SECISBP2L: variants seen among roughly 807,000 people sequenced by gnomAD.
SECISBP2L encodes selenocysteine insertion sequence-binding protein 2-like.
Under a neutral mutation model 114.7 loss-of-function variants are expected in SECISBP2L, and 43 were observed. The ratio of observed to expected loss-of-function variants is 0.38; its 90% confidence interval spans 0.29 to 0.48. The LOEUF (loss-of-function observed/expected upper bound fraction) is 0.48, where lower values mean the gene tolerates loss of function less well. Among genes scored for constraint, SECISBP2L ranks in the 20% least tolerant of loss-of-function variants. SECISBP2L has a pLI of 0.98. For missense variants in SECISBP2L, 1,136 were observed against 1,301.1 expected, an observed-to-expected ratio of 0.87 and a Z score of 1.95; for synonymous variants, 451 against 439.7, an observed-to-expected ratio of 1.03 and a Z score of -0.32.
chr15:49,046,168 G>A (rs111419929), intron 1 of SECISBP2L, 108 bp downstream of exon 1: 1 of 1,318,454 alleles, frequency 7.6e-7, no homozygotes, highest in Non-Finnish European at 1.0e-6. Context: ...GGGGGTCTGC[G>A]GCCGCAGGAC....
chr15:49,025,020 T>C (rs370396477), intron 7 of SECISBP2L, among the ~76,000 whole-genome samples: 26 of 152,292 alleles, frequency 1.7e-4, no homozygotes, highest in African/African-American at 5.5e-4. Flanking sequence ...CCAAAACCAA[T>C]AGTACTGAAA....
chr15:48,992,895 T>G lies in SECISBP2L; in HGVS notation c.2655A>C (p.Ser885=). The G allele has an allele frequency of 1.2e-6, 2 of 1,613,474 alleles. No homozygotes were observed. Among genetic ancestry groups the G allele is most frequent in the Non-Finnish European group, 1.7e-6 (2 of 1,179,398 alleles). ...CATTTTCTGATGCTTCCAGTCCATCTGAAGTTTCCACCATGTTTCTCCAAT... is the reference window on the plus strand; with the variant it reads ...CATTTTCTGATGCTTCCAGTCCATCGGAAGTTTCCACCATGTTTCTCCAAT... The part of the protein sequence containing the change: ...ETNWRNMVET[S]DGLEASENEK... Residue 885 remains serine, a synonymous_variant, in exon 18 of 18, where the codon TCA becomes TCC. Coordinates refer to ENST00000559471, the MANE Select transcript of SECISBP2L (RefSeq NM_001193489.2).
At chr15:49,045,581 T>C (rs1467566610) in intron 1 of SECISBP2L, among the ~76,000 whole-genome samples, 1 of 152,124 alleles carries the variant, frequency 6.6e-6, no homozygotes, top group Non-Finnish European at 1.5e-5. Context: ...AATCAGGAAT[T>C]TGATGCAAAT....
chr15:49,040,774 G>A (rs1399180513), intron 1 of SECISBP2L, among the ~76,000 whole-genome samples: 18 of 151,004 alleles, frequency 1.2e-4, no homozygotes, highest in Admixed American at 1.2e-3. Context: ...TCCTGACCTC[G>A]TGATCCGCCC....
Position 48,992,882 on chromosome 15 carries a change from C to T in SECISBP2L, c.2668G>A (p.Ala890Thr), listed in dbSNP as rs1339034932. The change falls in exon 18 of 18, where the codon GCA (alanine) becomes ACA (threonine). Residue 890 changes from alanine to threonine, a missense_variant. Physicochemically the swap from Ala to Thr is moderately conservative, Grantham distance 58. Around this residue, in one of 2 missense-constraint regions of SECISBP2L, gnomAD observed 684 missense variants for 848.7 expected, o/e 0.81. Transcript: ENST00000559471. The stretch of plus-strand genomic sequence containing the variant: ...GATACCTCTTTCTCATTTTCTGATG[C>T]TTCCAGTCCATCTGAAGTTTCCACC... ...NMVETSDGLE[A>T]SENEKEVSCK... 1 of 1,614,086 alleles carries T rather than the reference C, an allele frequency of 6.2e-7. No homozygotes were observed. Among genetic ancestry groups the T allele is most frequent in the South Asian group, 1.1e-5 (1 of 91,076 alleles).
At chr15:49,013,863 G>C (rs1306351828) in intron 11 of SECISBP2L, among the ~76,000 whole-genome samples, 2 of 151,896 alleles carry the variant, frequency 1.3e-5, no homozygotes, top group African/African-American at 4.8e-5. Context: ...CTATACCCTT[G>C]CATCTTTCGA....
intron 8 of SECISBP2L, among the ~76,000 whole-genome samples, chr15:49,018,199 T>C (rs1902573915): frequency 6.6e-6 from 1 of 152,110 alleles, no homozygotes; most frequent in Admixed American, 6.6e-5. Context: ...AGAAAATAAT[T>C]GAGATATACT....
At chr15:49,038,401 TA>T (rs1239327393) in intron 1 of SECISBP2L, among the ~76,000 whole-genome samples, 1 of 150,378 alleles carries the variant, frequency 6.6e-6, no homozygotes, top group East Asian at 1.9e-4. Flanking sequence ...TATCTTTTCT[TA>T]CAAGAAATCT....
rs1447646940 is a variant in SECISBP2L, at chr15:49,022,149, A to T, written c.1036-2597T>A. On this transcript the variant is annotated intron_variant, in intron 7 of 17. Coordinates refer to ENST00000559471, the MANE Select transcript of SECISBP2L (RefSeq NM_001193489.2). Reference sequence around the variant, plus strand: ...AACTGCTTAACTGAGACAGGGTCTCATTCTGTCACCCAGGCTGGAGTGCAG... The same window carrying T: ...AACTGCTTAACTGAGACAGGGTCTCTTTCTGTCACCCAGGCTGGAGTGCAG... Among the ~76,000 whole-genome samples the T allele has an allele frequency of 3.3e-5, 5 of 152,258 alleles. No homozygotes were observed. The East Asian group carries it at 9.6e-4, about 29-fold the overall frequency.
intron 13 of SECISBP2L, among the ~76,000 whole-genome samples, chr15:49,009,654 G>A (rs147245191): frequency 2.6e-5 from 4 of 152,086 alleles, no homozygotes; most frequent in Non-Finnish European, 4.4e-5. Context: ...CGAGAAAATC[G>A]CTTGAATCTG....
At chr15:49,014,290 G>A (rs550492942) in intron 11 of SECISBP2L, among the ~76,000 whole-genome samples, 50 of 152,054 alleles carry the variant, frequency 3.3e-4, no homozygotes, top group African/African-American at 1.1e-3. Context: ...TATGTTTCTT[G>A]TTCTTCTTCC....
At chr15:49,004,963 G>C (rs1902286220) in intron 14 of SECISBP2L, among the ~76,000 whole-genome samples, 1 of 152,188 alleles carries the variant, frequency 6.6e-6, no homozygotes, top group African/African-American at 2.4e-5. Flanking sequence ...ATCCAGAGCT[G>C]AGTTCAAGTC....
Position 49,000,905 on chromosome 15 carries a change from A to G in SECISBP2L, c.2220T>C (p.Ser740=), listed in dbSNP as rs752662264. The change falls in exon 15 of 18, where the codon TCT becomes TCC. Residue 740 remains serine (S), a synonymous_variant. Coordinates refer to ENST00000559471, the MANE Select transcript of SECISBP2L (RefSeq NM_001193489.2). ...TTGACTGGATTTTTTCACAGTTTGG[A>G]GAAATTATAACACACTTGATCTTGT... ...KLNKIKCVII[S]PNCEKIQSKG... 1.2e-6 allele frequency: 2 copies of G among 1,613,082 alleles called. No individual in the cohort carries two copies. Among genetic ancestry groups the G allele is most frequent in the Admixed American group, 3.3e-5 (2 of 59,864 alleles).
chr15:49,017,162 T>C lies in SECISBP2L; in HGVS notation c.1252-147A>G. ...TGTCATAAAGAACAGGATTTGACAG[T>C]GGGACCATTTCAGACTGGGAAATAA... On this transcript the variant is annotated intron_variant, in intron 9 of 17. Transcript: ENST00000559471. 4.0e-6 allele frequency: 3 copies of C among 753,488 alleles called. No homozygotes were observed. In the South Asian group the frequency reaches 6.4e-5, roughly 16 times the overall value. 46.7% of individuals were successfully genotyped at this position (753,488 alleles called of 1,614,324 possible).
intron 7 of SECISBP2L, 169 bp from the exon 8 acceptor site, chr15:49,019,721 T>A (rs151317349): frequency 2.1e-6 from 1 of 473,114 alleles, no homozygotes; most frequent in East Asian, 3.6e-5. Context: ...AAGGTACTTA[T>A]AAGAAAAATA....
At chr15:49,017,686 T>TA in intron 8 of SECISBP2L, 58 bp from the exon 9 acceptor site, 2 of 1,170,944 alleles carry the variant, frequency 1.7e-6, no homozygotes, top group Non-Finnish European at 2.5e-6. Context: ...AAACTTTTTA[T>TA]AATGCTTAGA....
chr15:49,010,496 GT>G (rs988334289), intron 13 of SECISBP2L, among the ~76,000 whole-genome samples: 1 of 150,208 alleles, frequency 6.7e-6, no homozygotes, highest in Non-Finnish European at 1.5e-5. Flanking sequence ...TACACATGGT[GT>G]TTTTTTTTGG....
In SECISBP2L at chr15:49,016,874, T is replaced by C; in HGVS notation, c.1393A>G (p.Ile465Val). 1.2e-6 allele frequency: 2 copies of C among 1,612,616 alleles called. No homozygotes were observed. The highest frequency in any genetic ancestry group is 1.7e-6 in the Non-Finnish European group (2 of 1,179,634). Residue 465 changes from isoleucine (I) to valine (V), a missense_variant, in exon 10 of 18, where the codon ATA becomes GTA. By Grantham distance (29) the Ile-to-Val change is conservative (BLOSUM62 3). Around this residue, in one of 2 missense-constraint regions of SECISBP2L, gnomAD observed 684 missense variants for 848.7 expected, o/e 0.81. Transcript: ENST00000559471. The part of the protein sequence containing the change: ...ALATAQEYSE[I>V]SMEQKKLQEA... Reference sequence around the variant, plus strand: ...TGTAATTTTTTTTGCTCCATACTTATTTCTGAATACTCTTGAGCTGTGGCA... The same window carrying C: ...TGTAATTTTTTTTGCTCCATACTTACTTCTGAATACTCTTGAGCTGTGGCA...
At position 48,991,688 on chromosome 15, in the gene SECISBP2L, AATT is replaced by A. The variant is rs1362520025; in HGVS notation, c.*553_*555del. 6.6e-6 allele frequency: 1 copy of A among 152,536 alleles called. No homozygotes were observed. The highest frequency in any genetic ancestry group is 1.5e-5 in the Non-Finnish European group (1 of 68,286). The allele number at this position is 152,536 out of a possible 1,614,324, so 9.4% of individuals were successfully genotyped here. A position where few individuals can be genotyped will look rare whatever the true frequency, so the allele number is the denominator to read the frequency against. On this transcript the variant is annotated 3_prime_UTR_variant, in exon 18 of 18. Transcript: ENST00000559471. Reference sequence around the variant, plus strand: ...CTCTGTTTTAGCCCATCCCAACACTAATTAATTACAATAATCAGTGACTTCTGA... The same window carrying A: ...CTCTGTTTTAGCCCATCCCAACACTAAATTACAATAATCAGTGACTTCTGA...
Sources: allele counts gnomAD v4.1 joint callset (sites outside exome capture counted in the v4.1 genomes callset), GRCh38; gene constraint gnomAD v4.1.1; regional missense constraint gnomAD v4.1.1; transcripts MANE v1.5; gene names NCBI Gene and HGNC (gene_info 2026-07-23, HGNC 2026-07-21).